The following FAT3 variants were observed in gnomAD, a reference collection of about 807,000 sequenced individuals.
The protein encoded by FAT3 is FAT atypical cadherin 3.
A neutral mutation model predicts 310.2 loss-of-function variants in FAT3; 95 were observed. The observed-to-expected ratio is 0.31, with a 90% confidence interval of 0.26 to 0.36. The LOEUF (loss-of-function observed/expected upper bound fraction) is 0.36, where lower values mean the gene tolerates loss of function less well. Among genes scored for constraint, FAT3 ranks in the 10% least tolerant of loss-of-function variants. The pLI, the probability that FAT3 is intolerant of heterozygous loss-of-function variation, is 1.00. For missense variants in FAT3, 5,408 were observed against 5,715.6 expected (o/e 0.95, Z 1.74); for synonymous variants, 2,314 against 2,192.9 (o/e 1.06, Z -1.54).
At chr11:92,485,788 TTTA>T (rs1243240711) in intron 2 of FAT3, among the ~76,000 whole-genome samples, 4 of 152,116 alleles carry the variant, frequency 2.6e-5, no homozygotes, top group Non-Finnish European at 5.9e-5. Flanking sequence ...AACACCAGCT[TTTA>T]TGCAGCCTAA....
intron 1 of FAT3, among the ~76,000 whole-genome samples, chr11:92,333,556 C>T (rs1374398379): frequency 6.6e-6 from 1 of 152,076 alleles, no homozygotes; most frequent in Non-Finnish European, 1.5e-5. Flanking sequence ...CTCTCAGAAT[C>T]CCCTTATTTG....
intron 1 of FAT3, among the ~76,000 whole-genome samples, chr11:92,335,114 G>C (rs1185837179): frequency 6.6e-6 from 1 of 151,724 alleles, no homozygotes; most frequent in Admixed American, 6.6e-5. Context: ...CTGACTTTGA[G>C]TATCTTTGGG....
Position 92,432,400 on chromosome 11 carries a change from G to A in FAT3, c.3292+76996G>A, listed in dbSNP as rs373976696. ...GCTTAAGGAGATTTTGTGCTGAGAC[G>A]ATGGAGTTTTCTAGGTATACAATCA... On this transcript the variant is annotated intron_variant, in intron 2 of 27. Transcript: ENST00000525166. Among the ~76,000 whole-genome samples the A allele has an allele frequency of 1.9e-4, 29 of 152,252 alleles. No individual in the cohort carries two copies. In the South Asian group the frequency reaches 4.1e-3, roughly 22 times the overall value.
At chr11:92,696,163 T>C (rs1386096565) in intron 3 of FAT3, among the ~76,000 whole-genome samples, 1 of 151,822 alleles carries the variant, frequency 6.6e-6, no homozygotes, top group East Asian at 1.9e-4. Context: ...CAGTTTACAA[T>C]GAAAAAGATA....
At chr11:92,404,137 A>G (rs1950088205) in intron 2 of FAT3, among the ~76,000 whole-genome samples, 1 of 152,286 alleles carries the variant, frequency 6.6e-6, no homozygotes, top group East Asian at 1.9e-4. Context: ...ACTTTCATCC[A>G]TAAACTCATT....
intron 2 of FAT3, among the ~76,000 whole-genome samples, chr11:92,478,154 AAC>A (rs1452649501): frequency 6.6e-6 from 1 of 152,210 alleles, no homozygotes; most frequent in East Asian, 1.9e-4. Context: ...AGGCCTTGAA[AAC>A]ACAGTTTCAA....
chr11:92,294,492 T>A (rs1488349383), intron 1 of FAT3, among the ~76,000 whole-genome samples: 1 of 151,882 alleles, frequency 6.6e-6, no homozygotes, highest in Non-Finnish European at 1.5e-5. Context: ...CATACTATAG[T>A]GGAGATAAGT....
chr11:92,493,861 G>A (rs2057527255), intron 2 of FAT3, among the ~76,000 whole-genome samples: 1 of 152,030 alleles, frequency 6.6e-6, no homozygotes, highest in African/African-American at 2.4e-5. Context: ...CACATGGGAA[G>A]TGAAGACACC....
intron 1 of FAT3, among the ~76,000 whole-genome samples, chr11:92,319,279 G>T (rs1308035402): frequency 6.6e-6 from 1 of 152,100 alleles, no homozygotes; most frequent in Non-Finnish European, 1.5e-5. Context: ...GGATATAATT[G>T]GTTGATACTC....
At chr11:92,782,721 C>T (rs959475309) in intron 7 of FAT3, among the ~76,000 whole-genome samples, 8 of 152,124 alleles carry the variant, frequency 5.3e-5, no homozygotes, top group East Asian at 1.9e-4. Context: ...TTCTGCAAAA[C>T]GACCTTCATG....
chr11:92,621,193 A>G (rs1242331406), intron 3 of FAT3, among the ~76,000 whole-genome samples: 1 of 152,192 alleles, frequency 6.6e-6, no homozygotes, highest in Non-Finnish European at 1.5e-5. Context: ...CTCTGCCTTT[A>G]TCGTGATCAC....
intron 3 of FAT3, among the ~76,000 whole-genome samples, chr11:92,529,328 C>T (rs986846788): frequency 1.3e-5 from 2 of 152,084 alleles, no homozygotes; most frequent in Non-Finnish European, 2.9e-5. Context: ...GGCTGACCTG[C>T]AGAGACAGAG....
At chr11:92,417,582 A>C (rs553189396) in intron 2 of FAT3, among the ~76,000 whole-genome samples, 1 of 152,298 alleles carries the variant, frequency 6.6e-6, no homozygotes, top group South Asian at 2.1e-4. Flanking sequence ...GGAAATCTTC[A>C]GAGGGGAAGT....
chr11:92,227,446 G>A (rs1388289027), intron 1 of FAT3, among the ~76,000 whole-genome samples: 1 of 152,192 alleles, frequency 6.6e-6, no homozygotes, highest in Non-Finnish European at 1.5e-5. Context: ...CTGGATCCAG[G>A]CGGCAAACTC....
intron 7 of FAT3, among the ~76,000 whole-genome samples, chr11:92,778,505 A>G (rs557442049): frequency 7.2e-5 from 11 of 152,266 alleles, no homozygotes; most frequent in African/African-American, 2.6e-4. Flanking sequence ...ACCCGTGCAA[A>G]TCAGGACCTA....
At position 92,293,533 on chromosome 11, in the gene FAT3, TATATATATATATATATATAA is replaced by T. The variant is rs1440797476; in HGVS notation, c.-17-58559_-17-58540del. The stretch of plus-strand genomic sequence containing the variant: ...CAGATTATATATATATATATATATA[TATATATATATATATATATAA>T]ATAAAATATATTCCTTCCAATTTCA... On this transcript the variant is annotated intron_variant, in intron 1 of 27. Transcript: ENST00000525166. 3.8e-3 allele frequency among the ~76,000 whole-genome samples: 292 copies of T among 76,782 alleles called. 3 individuals are homozygous for T. The highest frequency in any genetic ancestry group is 0.011 in the African/African-American group (217 of 19,556). 50.4% of individuals were successfully genotyped at this position (76,782 alleles called of 152,430 possible). A position where few individuals can be genotyped will look rare whatever the true frequency, so the allele number is the denominator to read the frequency against.
rs186310453 is a variant in FAT3 at position 92,268,439 on chromosome 11, G to A, written c.-18+43265G>A. ...ACTTTGGAAAAATCTGAACATGTTT[G>A]ACAATTGTAACAGAAATTGGTATAG... On this transcript the variant is annotated intron_variant, in intron 1 of 27. Transcript: ENST00000525166. Among the ~76,000 whole-genome samples the A allele has an allele frequency of 1.9e-3, 243 of 124,790 alleles. 3 individuals are homozygous for A. The highest frequency in any genetic ancestry group is 3.0e-3 in the Non-Finnish European group (176 of 59,290). The allele number at this position is 124,790 out of a possible 152,430, so 81.9% of individuals were successfully genotyped here.
At chr11:92,825,128 A>G (rs1376953175) in intron 13 of FAT3, among the ~76,000 whole-genome samples, 1 of 152,212 alleles carries the variant, frequency 6.6e-6, no homozygotes, top group African/African-American at 2.4e-5. Context: ...TTTCAAGGTT[A>G]TTTAATTCTT....
intron 1 of FAT3, among the ~76,000 whole-genome samples, chr11:92,247,225 C>T (rs1188974923): frequency 6.6e-6 from 1 of 151,850 alleles, no homozygotes; most frequent in East Asian, 1.9e-4. Context: ...GCAGGGTGGA[C>T]CTTGAGCTCA....
Sources: allele counts gnomAD v4.1 joint callset (sites outside exome capture counted in the v4.1 genomes callset), GRCh38; gene constraint gnomAD v4.1.1; transcripts MANE v1.5; gene names NCBI Gene and HGNC (gene_info 2026-07-23, HGNC 2026-07-21).